Variants in PCP4 observed in about 807,000 individuals in gnomAD.
PCP4 encodes Purkinje cell protein 4.
PCP4 carries 8 observed loss-of-function variants against 10.0 expected under a neutral mutation model. The ratio of observed to expected loss-of-function variants is 0.80; its 90% CI spans 0.47 to 1.45. PCP4 has a LOEUF of 1.45. Ranked by LOEUF, PCP4 falls within the 40% of genes most tolerant of loss-of-function variation. PCP4 has a pLI of 0.00. For missense variants in PCP4, 54 were observed against 74.4 expected, an observed-to-expected ratio of 0.73 and a Z score of 1.01; for synonymous variants, 21 against 23.0, an observed-to-expected ratio of 0.91 and a Z score of 0.24.
rs557923242 is a variant in PCP4 at position 39,925,777 on chromosome 21, G to A, written c.62-3207G>A. Reference sequence around the variant, plus strand: ...TCTGCCCGGGAGTGATGGGGCTGGGGAAGCTCCTCACAGGGCCACCCTGCT... The same window carrying A: ...TCTGCCCGGGAGTGATGGGGCTGGGAAAGCTCCTCACAGGGCCACCCTGCT... On this transcript the variant is annotated intron_variant, in intron 2 of 2. Coordinates refer to ENST00000328619, the MANE Select transcript of PCP4 (RefSeq NM_006198.3). Among the ~76,000 whole-genome samples, 23 of 152,246 alleles carry A rather than the reference G, an allele frequency of 1.5e-4. No homozygotes were observed. In the South Asian group the frequency reaches 2.7e-3, roughly 18 times the overall value.
At chr21:39,894,503 C>T (rs2087448005) in intron 1 of PCP4, among the ~76,000 whole-genome samples, 1 of 152,192 alleles carries the variant, frequency 6.6e-6, no homozygotes, top group Non-Finnish European at 1.5e-5. Context: ...TGTGGCTATG[C>T]ATATTTGTTT....
At chr21:39,872,999 G>A (rs141821617) in intron 1 of PCP4, among the ~76,000 whole-genome samples, 1 of 152,292 alleles carries the variant, frequency 6.6e-6, no homozygotes, top group African/African-American at 2.4e-5. Flanking sequence ...AGGACCTCTT[G>A]ACATTTGGGA....
chr21:39,871,262 C>T (rs1173191403), intron 1 of PCP4, among the ~76,000 whole-genome samples: 1 of 152,074 alleles, frequency 6.6e-6, no homozygotes, highest in African/African-American at 2.4e-5. Context: ...TCACGATTGC[C>T]CAGTGGAGGG....
At chr21:39,927,122 G>A (rs1000495087) in intron 2 of PCP4, among the ~76,000 whole-genome samples, 7 of 152,152 alleles carry the variant, frequency 4.6e-5, no homozygotes, top group African/African-American at 1.7e-4. Context: ...ATGATTGAAG[G>A]GTCCCAGGTG....
intron 2 of PCP4, among the ~76,000 whole-genome samples, chr21:39,925,706 T>C (rs1387495504): frequency 1.3e-5 from 2 of 152,058 alleles, no homozygotes; most frequent in Non-Finnish European, 2.9e-5. Context: ...TCCCTGTGGG[T>C]ATCAGCAGTA....
intron 2 of PCP4, among the ~76,000 whole-genome samples, chr21:39,911,301 A>G (rs1019039316): frequency 6.6e-6 from 1 of 152,192 alleles, no homozygotes; most frequent in Non-Finnish European, 1.5e-5. Flanking sequence ...CATTTCCTCT[A>G]GAAAAACTGC....
intron 1 of PCP4, among the ~76,000 whole-genome samples, chr21:39,879,389 C>T (rs188564403): frequency 1.9e-3 from 284 of 152,216 alleles, no homozygotes; most frequent in Non-Finnish European, 2.6e-3. Flanking sequence ...CCTTCTTTGC[C>T]GTCTTTAAAA....
chr21:39,892,114 C>T (rs151103512), intron 1 of PCP4, among the ~76,000 whole-genome samples: 1,954 of 152,324 alleles, frequency 0.013, 43 homozygotes, highest in African/African-American at 0.044. Context: ...CAGACACTGG[C>T]GTTACCGCTT....
chr21:39,920,347 G>A (rs1283935357), intron 2 of PCP4, among the ~76,000 whole-genome samples: 1 of 149,110 alleles, frequency 6.7e-6, no homozygotes, highest in Non-Finnish European at 1.5e-5. Flanking sequence ...TATGTGTGTG[G>A]TGTGTTTGCA....
chr21:39,912,602 TA>T (rs1207542242), intron 2 of PCP4, among the ~76,000 whole-genome samples: 1 of 152,088 alleles, frequency 6.6e-6, no homozygotes, highest in East Asian at 1.9e-4. Flanking sequence ...TGAACCAATA[TA>T]AAAAAAGTCT....
chr21:39,900,027 T>G (rs934461686), intron 2 of PCP4, among the ~76,000 whole-genome samples: 3 of 152,144 alleles, frequency 2.0e-5, no homozygotes, highest in African/African-American at 7.2e-5. Flanking sequence ...AGATCCTCTA[T>G]TGTCGTGATT....
At chr21:39,879,751 C>T (rs77542640) in intron 1 of PCP4, among the ~76,000 whole-genome samples, 7,205 of 152,254 alleles carry the variant, frequency 0.047, 567 homozygotes, top group African/African-American at 0.16. Flanking sequence ...CCCCCTCTGC[C>T]TTCAACCTCT....
intron 1 of PCP4, among the ~76,000 whole-genome samples, chr21:39,870,402 T>C (rs899116285): frequency 6.6e-6 from 1 of 152,170 alleles, no homozygotes; most frequent in African/African-American, 2.4e-5. Flanking sequence ...GAAGAGAATG[T>C]AGCAGGGATC....
intron 1 of PCP4, among the ~76,000 whole-genome samples, chr21:39,888,323 T>G (rs2087410959): frequency 6.6e-6 from 1 of 152,232 alleles, no homozygotes; most frequent in Non-Finnish European, 1.5e-5. Context: ...GGGCAAAATT[T>G]TAAAGAGGAC....
chr21:39,876,351 C>T (rs569452886), intron 1 of PCP4, among the ~76,000 whole-genome samples: 14 of 152,162 alleles, frequency 9.2e-5, no homozygotes, highest in Middle Eastern at 3.4e-3. Context: ...ACCTCCTGTG[C>T]GTGGAATCAT....
chr21:39,928,652 C>A (rs1601192080), intron 2 of PCP4, among the ~76,000 whole-genome samples: 3 of 152,138 alleles, frequency 2.0e-5, no homozygotes, highest in Non-Finnish European at 2.9e-5. Context: ...AATGGTACCT[C>A]TGTGAGATAG....
At chr21:39,916,803 G>A (rs1254496612) in intron 2 of PCP4, among the ~76,000 whole-genome samples, 2 of 152,174 alleles carry the variant, frequency 1.3e-5, no homozygotes, top group African/African-American at 4.8e-5. Context: ...GCAGGGACGT[G>A]GATGGAGTTG....
Position 39,902,004 on chromosome 21 carries a change from C to T in PCP4, c.61+3477C>T, listed in dbSNP as rs184038172. Among the ~76,000 whole-genome samples, 40 of 152,178 alleles carry T rather than the reference C, an allele frequency of 2.6e-4. 2 individuals are homozygous for T. Among genetic ancestry groups the T allele is most frequent in the Admixed American group, 1.1e-3 (17 of 15,290 alleles). ...TTATTCTTAAATTCCTGATATGAGA[C>T]GATCATCTTGGAATTTCCATTTTAA... On this transcript the variant is annotated intron_variant, in intron 2 of 2. Transcript: ENST00000328619.
rs150369506 is a variant in PCP4 at position 39,906,036 on chromosome 21, C to T, written c.61+7509C>T. ...CTGCACTCCAACCTGGGTGACAGAG[C>T]GAGACTCCGTCTCAAAATGCTCCCC... On this transcript the variant is annotated intron_variant, in intron 2 of 2. Coordinates refer to ENST00000328619, the MANE Select transcript of PCP4 (RefSeq NM_006198.3). This position sits in a 1 kb window ranked among gnomAD's most constrained non-coding sequence, Gnocchi z 6.3. Among the ~76,000 whole-genome samples, 8 of 152,246 alleles carry T rather than the reference C, an allele frequency of 5.3e-5. No individual in the cohort carries two copies. The highest frequency in any genetic ancestry group is 1.9e-4 in the East Asian group (1 of 5,168).
Sources: gnomAD v4.1 joint callset for allele counts (sites outside exome capture counted in the v4.1 genomes callset) on GRCh38, gnomAD v4.1.1 for gene constraint, Gnocchi (gnomAD v3.1) non-coding constraint, MANE v1.5 for transcripts, NCBI Gene and HGNC (gene_info 2026-07-23, HGNC 2026-07-21) for gene names.